The following KRT8 variants were observed in gnomAD, a reference collection of about 807,000 sequenced individuals.
KRT8 encodes keratin 8, also known as keratin, type II cytoskeletal 8.
Under a neutral mutation model 43.0 loss-of-function variants are expected in KRT8, and 24 were observed. The ratio of observed to expected loss-of-function variants is 0.56; its 90% CI spans 0.40 to 0.78. KRT8 has a LOEUF of 0.78. Among genes scored for constraint, KRT8 ranks in the 30% least tolerant of loss-of-function variants. KRT8 has a pLI of 0.00. For synonymous variants in KRT8, 214 were observed against 261.2 expected (o/e 0.82, Z 1.74); for missense variants, 492 against 638.4 (o/e 0.77, Z 2.47).
upstream of KRT8, among the ~76,000 whole-genome samples, chr12:52,911,832 T>C (rs1441281902): frequency 1.3e-5 from 2 of 152,118 alleles, no homozygotes; most frequent in Non-Finnish European, 2.9e-5. Context: ...CAGAACAGCC[T>C]GGCCAACATG....
intron 2 of KRT8, among the ~76,000 whole-genome samples, chr12:52,940,686 C>T (rs1424025600): frequency 1.6e-4 from 23 of 147,040 alleles, no homozygotes; most frequent in African/African-American, 4.3e-4. Flanking sequence ...AGTGCAGTTG[C>T]GCCATCTCAG....
At chr12:52,915,255 C>T (rs1941712986) in intron 2 of KRT8, among the ~76,000 whole-genome samples, 1 of 151,970 alleles carries the variant, frequency 6.6e-6, no homozygotes, top group Admixed American at 6.6e-5. Context: ...CACCTGTAGT[C>T]CCAGCTACTC....
chr12:52,916,292 G>C (rs554459115), intron 2 of KRT8, among the ~76,000 whole-genome samples: 1 of 152,334 alleles, frequency 6.6e-6, no homozygotes, highest in African/African-American at 2.4e-5. Flanking sequence ...GCAGAAAGCA[G>C]GTCTGGAGGC....
intron 2 of KRT8, among the ~76,000 whole-genome samples, chr12:52,927,064 C>G (rs1369281403): frequency 6.6e-6 from 1 of 152,176 alleles, no homozygotes; most frequent in Non-Finnish European, 1.5e-5. Flanking sequence ...GTCCCTTACC[C>G]TGGACCCCAA....
At chr12:52,930,254 G>C (rs1442702611) in intron 2 of KRT8, among the ~76,000 whole-genome samples, 1 of 145,210 alleles carries the variant, frequency 6.9e-6, no homozygotes, top group Non-Finnish European at 1.5e-5. Flanking sequence ...CTTCGTTCTT[G>C]TTGCCCAGGC....
At chr12:52,930,717 C>T (rs1942069050) in intron 2 of KRT8, among the ~76,000 whole-genome samples, 1 of 151,952 alleles carries the variant, frequency 6.6e-6, no homozygotes, top group African/African-American at 2.4e-5. Context: ...TGCACCACCA[C>T]ACCTGGCTAA....
intron 2 of KRT8, among the ~76,000 whole-genome samples, chr12:52,932,543 C>T (rs996518720): frequency 6.6e-6 from 1 of 152,030 alleles, no homozygotes; most frequent in Non-Finnish European, 1.5e-5. Context: ...TTGTACTGAA[C>T]GTGCTAGCCA....
chr12:52,939,764 A>C (rs1942236441), intron 2 of KRT8, among the ~76,000 whole-genome samples: 1 of 151,814 alleles, frequency 6.6e-6, no homozygotes, highest in Non-Finnish European at 1.5e-5. Flanking sequence ...ATATATCCAC[A>C]CAAAGATAAA....
intron 2 of KRT8, among the ~76,000 whole-genome samples, chr12:52,914,094 G>T (rs1373198697): frequency 6.6e-6 from 1 of 151,780 alleles, no homozygotes; most frequent in Non-Finnish European, 1.5e-5. Flanking sequence ...ATGGTGGCAG[G>T]CACCTGTAAT....
intron 2 of KRT8, among the ~76,000 whole-genome samples, chr12:52,945,909 G>C (rs1245770702): frequency 2.7e-5 from 4 of 149,324 alleles, no homozygotes; most frequent in Non-Finnish European, 6.0e-5. Context: ...CTAGTGCTGG[G>C]AATCTGGAGG....
intron 2 of KRT8, among the ~76,000 whole-genome samples, chr12:52,936,824 C>T (rs1453191064): frequency 6.6e-6 from 1 of 152,012 alleles, no homozygotes. Flanking sequence ...TGCTAGATTT[C>T]TTAAATACAG....
In KRT8 at chr12:52,938,136, C is replaced by CTATATATATA. The variant is rs1161700326; in HGVS notation, c.-47+11310_-47+11319dup. On this transcript the variant is annotated intron_variant, in intron 2 of 6. Transcript: ENST00000546826. Reference sequence around the variant, plus strand: ...ATACCATTACACACCCACTAGAAAGCTATATATATATATATATATATATAT... The same window carrying CTATATATATA: ...ATACCATTACACACCCACTAGAAAGCTATATATATATATATATATATATATATATATATAT... Among the ~76,000 whole-genome samples the CTATATATATA allele has an allele frequency of 3.3e-3, 145 of 43,962 alleles. 4 individuals are homozygous for CTATATATATA. Among genetic ancestry groups the CTATATATATA allele is most frequent in the Admixed American group, 7.5e-3 (24 of 3,204 alleles). 28.8% of individuals were successfully genotyped at this position (43,962 alleles called of 152,430 possible). A position where few individuals can be genotyped will look rare whatever the true frequency, so the allele number is the denominator to read the frequency against.
At chr12:52,939,549 C>T (rs946613530) in intron 2 of KRT8, among the ~76,000 whole-genome samples, 6 of 150,850 alleles carry the variant, frequency 4.0e-5, no homozygotes, top group Middle Eastern at 3.6e-3. Context: ...GGCAAAACCC[C>T]GTCTCTACTA....
At chr12:52,927,684 G>A (rs1942017045) in intron 2 of KRT8, among the ~76,000 whole-genome samples, 1 of 152,226 alleles carries the variant, frequency 6.6e-6, no homozygotes, top group Admixed American at 6.5e-5. Flanking sequence ...GGGCAGTCCT[G>A]AGGGGGAAGC....
chr12:52,904,883 G>A, exon 1 of KRT8: 1 of 1,612,896 alleles, frequency 6.2e-7, no homozygotes, highest in Non-Finnish European at 8.5e-7. Context: ...TCGAGGAGCT[G>A]ATGCGGGAAC....
intron 2 of KRT8, among the ~76,000 whole-genome samples, chr12:52,941,923 C>T (rs185523142): frequency 6.6e-6 from 1 of 152,276 alleles, no homozygotes; most frequent in Non-Finnish European, 1.5e-5. Flanking sequence ...GCTGTATTCT[C>T]AGATCCTAGA....
upstream of KRT8, among the ~76,000 whole-genome samples, chr12:52,905,832 G>A (rs1159664404): frequency 1.3e-5 from 2 of 152,166 alleles, no homozygotes; most frequent in South Asian, 2.1e-4. Context: ...GGTGGCTCAC[G>A]CCTGTAATCC....
chr12:52,910,113 T>G (rs918457985), upstream of KRT8, among the ~76,000 whole-genome samples: 4 of 152,128 alleles, frequency 2.6e-5, no homozygotes, highest in African/African-American at 4.8e-5. Context: ...TCTCCACTGA[T>G]GCCAAACCAA....
upstream of KRT8, among the ~76,000 whole-genome samples, chr12:52,909,222 T>TC (rs1294810973): frequency 6.6e-6 from 1 of 152,006 alleles, no homozygotes; most frequent in Non-Finnish European, 1.5e-5. Flanking sequence ...GCATAAGGGG[T>TC]CAGGGGAAAG....
Sources: allele counts gnomAD v4.1 joint callset (sites outside exome capture counted in the v4.1 genomes callset), GRCh38; gene constraint gnomAD v4.1.1; transcripts MANE v1.5; gene names NCBI Gene and HGNC (gene_info 2026-07-23, HGNC 2026-07-21).